Variants in GGT1 observed in about 807,000 individuals in gnomAD.
The protein encoded by GGT1 is glutathione hydrolase 1 proenzyme.
A neutral mutation model predicts 56.0 loss-of-function variants in GGT1; 21 were observed. The observed-to-expected ratio is 0.38, with a 90% CI of 0.27 to 0.54. The LOEUF (loss-of-function observed/expected upper bound fraction) is 0.54. GGT1 is among the 20% of genes least tolerant of loss of function. GGT1 has a pLI of 0.82. For missense variants in GGT1, 466 were observed against 787.0 expected, an observed-to-expected ratio of 0.59 and a Z score of 4.88; for synonymous variants, 238 against 342.6, an observed-to-expected ratio of 0.69 and a Z score of 3.37.
At chr22:24,607,826 G>A (rs191748017) in intron 1 of GGT1, 128 bp from the exon 2 acceptor site, 226 of 326,896 alleles carry the variant, frequency 6.9e-4, no homozygotes, top group African/African-American at 4.6e-3. Context: ...CCAATTCGGA[G>A]GCCCCCTGAG....
At chr22:24,598,527 C>T (rs1355561953), upstream of GGT1, among the ~76,000 whole-genome samples, 3 of 151,878 alleles carry the variant, frequency 2.0e-5, no homozygotes, top group African/African-American at 7.3e-5. Context: ...CTGGAAGACT[C>T]CTAAGTACAG....
chr22:24,592,910 C>T (rs2045616473), upstream of GGT1: 7 of 1,278,318 alleles, frequency 5.5e-6, no homozygotes, highest in South Asian at 4.8e-5. Flanking sequence ...GGCCGCCGCT[C>T]GCGGAGCGTG....
upstream of GGT1, chr22:24,593,191 G>T (rs746252814): frequency 2.3e-4 from 178 of 782,962 alleles, 1 homozygote; most frequent in Non-Finnish European, 2.5e-4. Context: ...GCGCCGGAGC[G>T]AGGCCAGTGG....
intron 5 of GGT1, among the ~76,000 whole-genome samples, chr22:24,612,009 G>A (rs990759143): frequency 3.9e-5 from 6 of 152,078 alleles, no homozygotes; most frequent in Non-Finnish European, 7.4e-5. Context: ...GTTTTGCTAT[G>A]TTGGCCAGGC....
chr22:24,608,598 C>A (rs2046466100), intron 2 of GGT1, among the ~76,000 whole-genome samples: 1 of 152,214 alleles, frequency 6.6e-6, no homozygotes, highest in African/African-American at 2.4e-5. Context: ...AGGACGGGGT[C>A]ACTGACCAGG....
upstream of GGT1, among the ~76,000 whole-genome samples, chr22:24,594,109 G>C (rs1356528115): frequency 6.6e-6 from 1 of 152,192 alleles, no homozygotes; most frequent in African/African-American, 2.4e-5. Flanking sequence ...ACCAGGGTGA[G>C]GTACGGACCC....
intron 11 of GGT1, chr22:24,624,281 C>G: frequency 1.1e-6 from 1 of 943,194 alleles, no homozygotes; most frequent in Non-Finnish European, 1.3e-6. Flanking sequence ...CTTGGCCACC[C>G]ACTCCCTGTC....
At chr22:24,613,574 C>T (rs566108568) in intron 5 of GGT1, among the ~76,000 whole-genome samples, 12 of 149,976 alleles carry the variant, frequency 8.0e-5, no homozygotes, top group African/African-American at 2.9e-4. Flanking sequence ...ACATGGTGCA[C>T]TCTGTCCCTA....
upstream of GGT1, chr22:24,592,859 T>C: frequency 7.8e-7 from 1 of 1,275,682 alleles, no homozygotes; most frequent in Non-Finnish European, 9.9e-7. Context: ...GCTCCTTCTC[T>C]CGCCTGGCGC....
At chr22:24,618,803 C>T (rs182435242) in intron 7 of GGT1, among the ~76,000 whole-genome samples, 9 of 152,258 alleles carry the variant, frequency 5.9e-5, no homozygotes, top group Admixed American at 3.3e-4. Flanking sequence ...CAAATGGCCC[C>T]ATCATCTCTC....
chr22:24,596,914 CAAAA>C (rs78452000), intron 1 of GGT1, among the ~76,000 whole-genome samples: 1,973 of 63,088 alleles, frequency 0.031, 58 homozygotes, highest in African/African-American at 0.11. Flanking sequence ...GACTCTGTCT[CAAAA>C]AAAAAAAAAA....
At chr22:24,585,987 C>T in the GGT1 span, 12 of 1,610,568 alleles carry the variant, frequency 7.5e-6, no homozygotes, top group African/African-American at 5.3e-5. Context: ...CCCTCAGGCT[C>T]AAGGTCCAGG....
chr22:24,588,634 A>G, the GGT1 span: 2 of 1,103,436 alleles, frequency 1.8e-6, no homozygotes. Context: ...GTCTCGGGCT[A>G]TCAGCCGGCT....
At chr22:24,589,354 T>C in the GGT1 span, 2 of 1,135,348 alleles carry the variant, frequency 1.8e-6, 1 homozygote, top group South Asian at 3.7e-5. Context: ...GGGAAAGCAG[T>C]GAGCACCCGT....
At chr22:24,624,687 C>G (rs1287135106) in intron 11 of GGT1, 1 of 983,112 alleles carries the variant, frequency 1.0e-6, no homozygotes, top group Non-Finnish European at 1.2e-6. Flanking sequence ...GCTCGGGGTG[C>G]TGTTCCTACA....
chr22:24,624,829 G>C (rs2047650319), intron 11 of GGT1: 1 of 155,226 alleles, frequency 6.4e-6, no homozygotes, highest in Non-Finnish European at 1.4e-5. Context: ...AGCAAACATG[G>C]CTGGGCTATG....
chr22:24,621,293 T>G (rs1164068865), intron 9 of GGT1, among the ~76,000 whole-genome samples: 2 of 151,828 alleles, frequency 1.3e-5, no homozygotes, highest in Non-Finnish European at 2.9e-5. Context: ...TAAATGCAGG[T>G]GTAGGCAAGA....
rs1048693951 is a variant in GGT1, at chr22:24,628,395, C to T, written c.1563+7C>T. 6.1e-5 allele frequency: 98 copies of T among 1,610,188 alleles called. No homozygotes were observed. The highest frequency in any genetic ancestry group is 2.3e-4 in the Middle Eastern group (1 of 4,430). ...GGAGAGAAACATTGACCAGGTGGGCCGGGGGTTGGAGAAACTGAGTCAAGG... is the reference window on the plus strand; with the variant it reads ...GGAGAGAAACATTGACCAGGTGGGCTGGGGGTTGGAGAAACTGAGTCAAGG... On this transcript the variant is annotated splice_region_variant and intron_variant, in intron 15 of 15. Transcript: ENST00000400382. The surrounding 1 kb of genome is among the most constrained non-coding windows in gnomAD (Gnocchi z 5.7).
chr22:24,592,129 G>A (rs1431789338), upstream of GGT1: 14 of 377,208 alleles, frequency 3.7e-5, no homozygotes, highest in South Asian at 5.7e-5. Context: ...GGGTGGGGAC[G>A]GGGTGGTGAG....
Sources: allele counts gnomAD v4.1 joint callset (sites outside exome capture counted in the v4.1 genomes callset), GRCh38; gene constraint gnomAD v4.1.1; non-coding constraint Gnocchi (gnomAD v3.1); transcripts MANE v1.5; gene names NCBI Gene and HGNC (gene_info 2026-07-23, HGNC 2026-07-21).